JUP: variants seen among roughly 807,000 people sequenced by gnomAD.
JUP encodes the protein junction plakoglobin.
A neutral mutation model predicts 71.1 loss-of-function variants in JUP; 28 were observed. That is an observed-to-expected ratio of 0.39 (90% CI 0.29 to 0.54). The LOEUF is 0.54. Among genes scored for constraint, JUP ranks in the 20% least tolerant of loss-of-function variants. The pLI, the probability that JUP is intolerant of heterozygous loss-of-function variation, is 0.62. For synonymous variants in JUP, 401 were observed against 438.9 expected, an observed-to-expected ratio of 0.91 and a Z score of 1.08; for missense variants, 869 against 1,030.1, an observed-to-expected ratio of 0.84 and a Z score of 2.14.
At chr17:41,773,909 G>A (rs1917055946) in intron 1 of JUP, among the ~76,000 whole-genome samples, 1 of 152,186 alleles carries the variant, frequency 6.6e-6, no homozygotes, top group Non-Finnish European at 1.5e-5. Context: ...ATGCCGCTCT[G>A]CTGGGCTCAA....
intron 12 of JUP, 46 bp downstream of exon 12, chr17:41,757,369 C>A (rs1913994233): frequency 1.2e-6 from 2 of 1,612,826 alleles, no homozygotes; most frequent in Admixed American, 1.7e-5. Flanking sequence ...ATGGGCAGTG[C>A]CCAACTTGCA....
In JUP at chr17:41,767,458, A is replaced by T. The variant is rs782279056; in HGVS notation, c.830T>A (p.Leu277His). The change falls in exon 5 of 14, where the codon CTC becomes CAC. Residue 277 changes from leucine to histidine, a missense_variant. Leu to His is a moderately conservative substitution (Grantham distance 99). Coordinates refer to ENST00000393931, the MANE Select transcript of JUP (RefSeq NM_002230.4). ...CAGGAACTTGGGGTTGTTCTTGTTG[A>T]GCAGGGGCACCATCTTTTGCAGCCC... is the stretch of plus-strand genomic sequence containing the variant. ...ADGLQKMVPLLNKNNPKFLAI... is the reference protein window; with the variant it reads ...ADGLQKMVPLHNKNNPKFLAI... 7.4e-6 allele frequency: 12 copies of T among 1,614,016 alleles called. No homozygotes were observed. Among genetic ancestry groups the T allele is most frequent in the Non-Finnish European group, 1.0e-5 (12 of 1,180,020 alleles).
rs143434512 is a variant in JUP at position 41,769,624 on chromosome 17, C to T, written c.262G>A (p.Ala88Thr). 2.5e-6 allele frequency: 4 copies of T among 1,605,580 alleles called. No homozygotes were observed. Among genetic ancestry groups the T allele is most frequent in the Non-Finnish European group, 2.5e-6 (3 of 1,177,038 alleles). The change falls in exon 3 of 14, where the codon GCC becomes ACC. Residue 88 changes from alanine to threonine, a missense_variant. Physicochemically the swap from Ala to Thr is moderately conservative, Grantham distance 58 (BLOSUM62 0). Transcript: ENST00000393931. ...TCGCCTGACACACCAGGGCACATGG[C>T]CTCCCGCACCCGTTTGGCCCTGGCT... ...TTARAKRVRE[A>T]MCPGVSGEDS... is the part of the protein sequence containing the mutation.
At chr17:41,786,506 C>A (rs1218833480) in intron 1 of JUP, 82 bp downstream of exon 1, 3 of 152,398 alleles carry the variant, frequency 2.0e-5, no homozygotes, top group Non-Finnish European at 4.4e-5. Flanking sequence ...CCCTCACCTG[C>A]CCAGGGACGG....
chr17:41,779,668 T>A (rs1555609833), intron 1 of JUP, among the ~76,000 whole-genome samples: 2 of 151,572 alleles, frequency 1.3e-5, no homozygotes, highest in African/African-American at 2.4e-5. Context: ...CTTTTTTTAT[T>A]TTCTTTCTCT....
At chr17:41,784,647 A>C (rs1189233053) in intron 1 of JUP, among the ~76,000 whole-genome samples, 2 of 151,984 alleles carry the variant, frequency 1.3e-5, no homozygotes, top group Non-Finnish European at 2.9e-5. Flanking sequence ...CCCGGCAGAA[A>C]AGGATCTGAG....
At position 41,757,546 on chromosome 17, in the gene JUP, G is replaced by A; in HGVS notation, c.1925-10C>T. On this transcript the variant is annotated splice_polypyrimidine_tract_variant and intron_variant, in intron 11 of 13. Transcript: ENST00000393931. Reference sequence around the variant, plus strand: ...GCAGCAGCGTAGGTGGCTGAGCAGAGAGGAAAGGAAAAGCCAGGTTAAACG... The same window carrying A: ...GCAGCAGCGTAGGTGGCTGAGCAGAAAGGAAAGGAAAAGCCAGGTTAAACG... 1 of 1,614,242 alleles carries A rather than the reference G, an allele frequency of 6.2e-7. No individual in the cohort carries two copies. The highest frequency in any genetic ancestry group is 8.5e-7 in the Non-Finnish European group (1 of 1,180,046).
At chr17:41,767,304 C>A in intron 5 of JUP, 75 bp downstream of exon 5, 1 of 1,254,668 alleles carries the variant, frequency 8.0e-7, no homozygotes. Context: ...AAGGGGGCAG[C>A]GGCCCAAGGC....
intron 1 of JUP, among the ~76,000 whole-genome samples, chr17:41,773,194 T>C (rs1206017181): frequency 2.0e-5 from 3 of 151,842 alleles, no homozygotes; most frequent in Non-Finnish European, 4.4e-5. Context: ...AGCACCCGGG[T>C]TGTCTCACTG....
chr17:41,757,171 G>T (rs546704272), intron 12 of JUP, among the ~76,000 whole-genome samples: 3 of 152,066 alleles, frequency 2.0e-5, no homozygotes, highest in Admixed American at 1.3e-4. Context: ...GCACCTCCAC[G>T]CAAATTACAA....
intron 5 of JUP, among the ~76,000 whole-genome samples, chr17:41,766,909 T>C (rs1555604279): frequency 6.7e-6 from 1 of 149,512 alleles, no homozygotes; most frequent in East Asian, 2.0e-4. Context: ...TAGTCGGGCG[T>C]GGTAGCACAC....
intron 1 of JUP, among the ~76,000 whole-genome samples, chr17:41,785,578 G>C (rs1028407473): frequency 6.6e-6 from 1 of 152,228 alleles, no homozygotes; most frequent in Admixed American, 6.5e-5. Context: ...TGGGGGAAGG[G>C]GTTTTGCACC....
chr17:41,764,200 G>A (rs1555602869), intron 7 of JUP, among the ~76,000 whole-genome samples: 1 of 152,244 alleles, frequency 6.6e-6, no homozygotes, highest in East Asian at 1.9e-4. Flanking sequence ...ATGGGGGCCT[G>A]TCTCTTGGTA....
Position 41,762,170 on chromosome 17 carries a change from AGAGAGAGTGTGT to A in JUP, c.1497+801_1497+812del, listed in dbSNP as rs59342126. Among the ~76,000 whole-genome samples the A allele has an allele frequency of 2.5e-3, 111 of 45,278 alleles. 1 individual carries two copies. The highest frequency in any genetic ancestry group is 5.1e-3 in the African/African-American group (60 of 11,742). 29.7% of individuals were successfully genotyped at this position (45,278 alleles called of 152,430 possible). A position where few individuals can be genotyped will look rare whatever the true frequency, so the allele number is the denominator to read the frequency against. Reference sequence around the variant, plus strand: ...GAGAGAGAGAGAGAGAGAGAGAGAGAGAGAGAGTGTGTGTGTGTGTGTGTGTGTGTGTGTGTT... The same window carrying A: ...GAGAGAGAGAGAGAGAGAGAGAGAGAGTGTGTGTGTGTGTGTGTGTGTGTT... On this transcript the variant is annotated intron_variant, in intron 8 of 13. Coordinates refer to ENST00000393931, the MANE Select transcript of JUP (RefSeq NM_002230.4).
At chr17:41,773,589 C>A (rs1916994457) in intron 1 of JUP, among the ~76,000 whole-genome samples, 1 of 152,134 alleles carries the variant, frequency 6.6e-6, no homozygotes, top group Non-Finnish European at 1.5e-5. Flanking sequence ...CAGAAGGAGC[C>A]CCCCCAACCA....
intron 3 of JUP, 99 bp from the exon 4 acceptor site, chr17:41,769,306 CGG>C: frequency 6.5e-7 from 1 of 1,546,594 alleles, no homozygotes; most frequent in Non-Finnish European, 8.8e-7. Flanking sequence ...TCATCACACA[CGG>C]GAGAGTCTGG....
chr17:41,775,346 G>C (rs1597847452), intron 1 of JUP, among the ~76,000 whole-genome samples: 1 of 152,306 alleles, frequency 6.6e-6, no homozygotes, highest in Middle Eastern at 3.4e-3. Context: ...AGCTATTCCT[G>C]CAACAGGAAG....
intron 2 of JUP, 39 bp downstream of exon 2, chr17:41,771,608 G>A: frequency 6.3e-7 from 1 of 1,589,622 alleles, no homozygotes; most frequent in Middle Eastern, 2.2e-4. Context: ...GACCCAGGCA[G>A]GTTTTCTGCC....
At chr17:41,767,637 G>A (rs782433240) in intron 4 of JUP, 57 bp from the exon 5 acceptor site, 22 of 1,442,192 alleles carry the variant, frequency 1.5e-5, no homozygotes, top group Non-Finnish European at 2.1e-5. Flanking sequence ...GCATACATGT[G>A]AGCCTGGCAT....
Sources: gnomAD v4.1 joint callset for allele counts (sites outside exome capture counted in the v4.1 genomes callset) on GRCh38, gnomAD v4.1.1 for gene constraint, MANE v1.5 for transcripts, NCBI Gene and HGNC (gene_info 2026-07-23, HGNC 2026-07-21) for gene names.